The following PPME1 variants were observed in gnomAD, a reference collection of about 807,000 sequenced individuals.
PPME1 encodes protein phosphatase methylesterase 1, also known as testicular secretory protein Li 39.
In PPME1, 17 loss-of-function variants were observed where a neutral mutation model predicts 56.9. That is an observed-to-expected ratio of 0.30 (90% confidence interval 0.20 to 0.45). The LOEUF is 0.45. Ranked by LOEUF, PPME1 falls within the 20% of genes least tolerant of loss-of-function variation. The pLI is 1.00. For missense variants in PPME1, 357 were observed against 483.2 expected, an observed-to-expected ratio of 0.74 and a Z score of 2.45; for synonymous variants, 122 against 156.2, an observed-to-expected ratio of 0.78 and a Z score of 1.63.
At chr11:74,172,104 C>G (rs906207694) in intron 1 of PPME1, among the ~76,000 whole-genome samples, 1 of 151,986 alleles carries the variant, frequency 6.6e-6, no homozygotes, top group Admixed American at 6.6e-5. Context: ...ACAGATTCAG[C>G]GAATGAGAGG....
intron 4 of PPME1, among the ~76,000 whole-genome samples, chr11:74,224,345 A>T (rs1858879250): frequency 7.3e-6 from 1 of 137,488 alleles, no homozygotes; most frequent in Non-Finnish European, 1.5e-5. Context: ...TGGTTACTGT[A>T]GCCTTGTAGT....
At chr11:74,209,990 A>T (rs546282781) in intron 3 of PPME1, among the ~76,000 whole-genome samples, 1 of 152,240 alleles carries the variant, frequency 6.6e-6, no homozygotes, top group Admixed American at 6.5e-5. Context: ...TGAGCCCAGG[A>T]GTTCGAGGTT....
rs902495832 is a variant in PPME1 at position 74,245,964 on chromosome 11, T to A, written c.835-112T>A. 10 of 1,238,666 alleles carry A rather than the reference T, an allele frequency of 8.1e-6. No individual in the cohort carries two copies. In the African/African-American group the frequency reaches 1.4e-4, roughly 17 times the overall value. 76.7% of individuals were successfully genotyped at this position (1,238,666 alleles called of 1,614,324 possible). A position where few individuals can be genotyped will look rare whatever the true frequency, so the allele number is the denominator to read the frequency against. ...ATTAAAATGTCTAGGACTTAGTAGG[T>A]CCTTAATAAGTGCTAGTTTCCTTCC... On this transcript the variant is annotated intron_variant, in intron 9 of 13. Coordinates refer to ENST00000328257, the MANE Select transcript of PPME1 (RefSeq NM_016147.3).
chr11:74,252,960 A>G (rs1299665807), intron 13 of PPME1, among the ~76,000 whole-genome samples: 1 of 152,184 alleles, frequency 6.6e-6, no homozygotes, highest in Non-Finnish European at 1.5e-5. Flanking sequence ...CACAACCCTC[A>G]TGAGGAGTCA....
intron 1 of PPME1, among the ~76,000 whole-genome samples, chr11:74,172,915 G>C (rs1031726643): frequency 6.6e-6 from 1 of 152,162 alleles, no homozygotes; most frequent in Non-Finnish European, 1.5e-5. Flanking sequence ...GAGAGTAGGA[G>C]ATGCAGTACT....
At chr11:74,189,444 C>G (rs1043999925) in intron 1 of PPME1, among the ~76,000 whole-genome samples, 1 of 152,004 alleles carries the variant, frequency 6.6e-6, no homozygotes, top group Non-Finnish European at 1.5e-5. Flanking sequence ...TGTGCACCAC[C>G]GTGCCCCCTA....
intron 1 of PPME1, among the ~76,000 whole-genome samples, chr11:74,177,214 A>C (rs2135590232): frequency 6.6e-6 from 1 of 152,232 alleles, no homozygotes; most frequent in South Asian, 2.1e-4. Context: ...TAATCCCAGC[A>C]CTTTGGGAGG....
At chr11:74,184,268 A>G (rs1857613385) in intron 1 of PPME1, among the ~76,000 whole-genome samples, 2 of 152,240 alleles carry the variant, frequency 1.3e-5, no homozygotes, top group Non-Finnish European at 2.9e-5. Context: ...AACCACTTTT[A>G]ATTGAGTTTT....
chr11:74,194,284 G>T (rs1228457127), intron 1 of PPME1, among the ~76,000 whole-genome samples: 1 of 151,906 alleles, frequency 6.6e-6, no homozygotes, highest in African/African-American at 2.4e-5. Context: ...GATTCTTTGG[G>T]ATCCCAGCTT....
chr11:74,251,863 T>C (rs766254547), intron 13 of PPME1, 148 bp downstream of exon 13: 1 of 995,756 alleles, frequency 1.0e-6, no homozygotes, highest in Non-Finnish European at 1.6e-6. Flanking sequence ...GAGCCTGGCA[T>C]GTCTGTTTCT....
chr11:74,172,324 G>C (rs1857275419), intron 1 of PPME1, among the ~76,000 whole-genome samples: 1 of 152,128 alleles, frequency 6.6e-6, no homozygotes, highest in Non-Finnish European at 1.5e-5. Flanking sequence ...GAGAACTGAA[G>C]AATTTACAGA....
intron 1 of PPME1, among the ~76,000 whole-genome samples, chr11:74,176,220 T>C (rs899674145): frequency 1.3e-5 from 2 of 152,338 alleles, no homozygotes; most frequent in Admixed American, 1.3e-4. Context: ...CAGTTTCTTA[T>C]GTTATCAGCT....
chr11:74,193,749 GT>G (rs1857905745), intron 1 of PPME1, among the ~76,000 whole-genome samples: 2 of 152,068 alleles, frequency 1.3e-5, no homozygotes. Context: ...CTCCTTAGCT[GT>G]GTCTAATATG....
At chr11:74,196,622 G>A (rs1318863789) in intron 1 of PPME1, among the ~76,000 whole-genome samples, 1 of 148,318 alleles carries the variant, frequency 6.7e-6, no homozygotes, top group Non-Finnish European at 1.5e-5. Flanking sequence ...AGTCCACAGT[G>A]CAAAGTAAAA....
chr11:74,187,318 T>C (rs1857711079), intron 1 of PPME1, among the ~76,000 whole-genome samples: 1 of 152,220 alleles, frequency 6.6e-6, no homozygotes, highest in Admixed American at 6.5e-5. Flanking sequence ...TTTGAATCTA[T>C]AGATCAATTT....
intron 1 of PPME1, among the ~76,000 whole-genome samples, chr11:74,192,505 A>G (rs1857865662): frequency 6.6e-6 from 1 of 152,044 alleles, no homozygotes. Context: ...GTATTTTGCA[A>G]TGTGAGAAGG....
intron 1 of PPME1, among the ~76,000 whole-genome samples, chr11:74,182,567 T>G (rs1450444669): frequency 6.6e-6 from 1 of 151,798 alleles, no homozygotes; most frequent in Non-Finnish European, 1.5e-5. Flanking sequence ...ACCATGTTGG[T>G]CAGGCTGGTC....
intron 1 of PPME1, among the ~76,000 whole-genome samples, chr11:74,183,446 T>G (rs889489862): frequency 7.9e-5 from 12 of 152,030 alleles, no homozygotes; most frequent in Admixed American, 2.0e-4. Flanking sequence ...CAAAAGAGAG[T>G]GGGACTCCAA....
intron 5 of PPME1, 25 bp downstream of exon 5, chr11:74,225,281 C>A (rs1249079088): frequency 1.4e-6 from 2 of 1,464,836 alleles, no homozygotes; most frequent in South Asian, 2.5e-5. Context: ...ATTTCTTATA[C>A]ATTGCCTGTC....
Sources: allele counts gnomAD v4.1 joint callset (sites outside exome capture counted in the v4.1 genomes callset), GRCh38; gene constraint gnomAD v4.1.1; transcripts MANE v1.5; gene names NCBI Gene and HGNC (gene_info 2026-07-23, HGNC 2026-07-21).